Variants in RBFOX1 observed in about 807,000 individuals in gnomAD.
The protein encoded by RBFOX1 is RNA binding protein fox-1 homolog 1.
A neutral mutation model predicts 57.7 loss-of-function variants in RBFOX1; 8 were observed. The observed-to-expected ratio is 0.14, with a 90% confidence interval of 0.08 to 0.25. The LOEUF (loss-of-function observed/expected upper bound fraction) is 0.25, where lower values mean the gene tolerates loss of function less well. RBFOX1 is among the 10% of genes least tolerant of loss of function. The probability of loss-of-function intolerance (pLI) is 1.00; values close to 1 mark genes in which losing one functional copy is unlikely to be tolerated. For synonymous variants in RBFOX1, 326 were observed against 222.4 expected, an observed-to-expected ratio of 1.47 and a Z score of -4.15; for missense variants, 611 against 548.5, an observed-to-expected ratio of 1.11 and a Z score of -1.14.
intron 1 of RBFOX1, among the ~76,000 whole-genome samples, chr16:6,154,339 CAAGGTTATGAAT>C (rs1224073515): frequency 6.6e-6 from 1 of 152,140 alleles, no homozygotes; most frequent in Non-Finnish European, 1.5e-5. Flanking sequence ...ATGGTATAAG[CAAGGTTATGAAT>C]AAGTATTTTC....
At chr16:7,300,965 AT>A (rs1052673112) in intron 4 of RBFOX1, among the ~76,000 whole-genome samples, 7 of 151,668 alleles carry the variant, frequency 4.6e-5, no homozygotes, top group South Asian at 4.2e-4. Context: ...AATGTCTAGA[AT>A]TTTTTTTTGT....
chr16:5,274,637 T>A (rs1218353464), intron 1 of RBFOX1, among the ~76,000 whole-genome samples: 1 of 152,230 alleles, frequency 6.6e-6, no homozygotes, highest in South Asian at 2.1e-4. Flanking sequence ...GTTGGCTTTA[T>A]TGGCAAGACT....
intron 4 of RBFOX1, among the ~76,000 whole-genome samples, chr16:7,427,768 C>G (rs907582020): frequency 2.0e-5 from 3 of 152,070 alleles, no homozygotes; most frequent in East Asian, 1.9e-4. Context: ...ATTCTTGTGC[C>G]TCAGCCTCCC....
chr16:5,519,906 A>T (rs1001978341), intron 2 of RBFOX1, among the ~76,000 whole-genome samples: 2 of 152,194 alleles, frequency 1.3e-5, no homozygotes, highest in African/African-American at 4.8e-5. Context: ...CCCATACTTG[A>T]AGCCATTTAC....
rs540958717 is a variant in RBFOX1 at position 6,070,509 on chromosome 16, C to G, written c.-127+50517C>G. On this transcript the variant is annotated intron_variant, in intron 1 of 15. Coordinates refer to ENST00000550418, the MANE Select transcript of RBFOX1 (RefSeq NM_018723.4). ...CTCAAATATCCCATTTCAATGAAGT[C>G]TGACAAGAAGTCACTCTTGTTTTTA... is the stretch of plus-strand genomic sequence containing the variant. Among the ~76,000 whole-genome samples the G allele has an allele frequency of 3.1e-4, 47 of 152,284 alleles. No individual in the cohort carries two copies. In the South Asian group the frequency reaches 9.1e-3, roughly 30 times the overall value.
chr16:5,763,173 C>G (rs536084998), intron 3 of RBFOX1, among the ~76,000 whole-genome samples: 7 of 152,312 alleles, frequency 4.6e-5, no homozygotes, highest in East Asian at 1.9e-4. Flanking sequence ...AGAAGTCCAT[C>G]GTGATTTGGG....
At chr16:7,250,928 A>G (rs1252627516) in intron 4 of RBFOX1, among the ~76,000 whole-genome samples, 1 of 152,218 alleles carries the variant, frequency 6.6e-6, no homozygotes, top group Non-Finnish European at 1.5e-5. Flanking sequence ...CATGTACAAC[A>G]TGACGTTTTG....
chr16:5,706,758 C>T (rs763409744), intron 3 of RBFOX1, among the ~76,000 whole-genome samples: 6 of 152,034 alleles, frequency 3.9e-5, no homozygotes, highest in African/African-American at 7.2e-5. Context: ...GATTTGTCTC[C>T]GGGGGCACCC....
chr16:5,454,956 TTCCTTTCTTTCTTTC>T (rs2068573684), intron 1 of RBFOX1, among the ~76,000 whole-genome samples: 2 of 62,658 alleles, frequency 3.2e-5, no homozygotes, highest in African/African-American at 1.2e-4. Flanking sequence ...CCTTCCTTCC[TTCCTTTCTTTCTTTC>T]TTTCTTTCTT....
At chr16:7,317,485 C>T (rs754534133) in intron 4 of RBFOX1, among the ~76,000 whole-genome samples, 12 of 152,176 alleles carry the variant, frequency 7.9e-5, no homozygotes, top group East Asian at 3.9e-4. Context: ...CTATCACCAT[C>T]GCCATTAGGA....
At chr16:6,501,480 T>C (rs1170191290) in intron 2 of RBFOX1, among the ~76,000 whole-genome samples, 1 of 152,022 alleles carries the variant, frequency 6.6e-6, no homozygotes, top group Non-Finnish European at 1.5e-5. Flanking sequence ...TCACCATTTT[T>C]ATGGCTGCAT....
chr16:6,603,772 A>G (rs1174412179), intron 2 of RBFOX1, among the ~76,000 whole-genome samples: 6 of 152,146 alleles, frequency 3.9e-5, no homozygotes, highest in Non-Finnish European at 7.3e-5. Flanking sequence ...TAGGGTTAAC[A>G]TCTGAATCAT....
chr16:5,644,255 G>T (rs772901074), intron 3 of RBFOX1, among the ~76,000 whole-genome samples: 4 of 152,130 alleles, frequency 2.6e-5, no homozygotes, highest in Non-Finnish European at 4.4e-5. Context: ...ATAGGTTAAG[G>T]CTGTATATGA....
chr16:5,589,030 C>T (rs1298501292), intron 2 of RBFOX1, among the ~76,000 whole-genome samples: 1 of 152,182 alleles, frequency 6.6e-6, no homozygotes, highest in Non-Finnish European at 1.5e-5. Flanking sequence ...AGCTGAAAAA[C>T]TGCATAGAGA....
chr16:7,074,132 G>A (rs111551619), intron 4 of RBFOX1, among the ~76,000 whole-genome samples: 8 of 152,222 alleles, frequency 5.3e-5, no homozygotes, highest in African/African-American at 1.9e-4. Context: ...GAAATGTTTT[G>A]TCCACTGATT....
intron 3 of RBFOX1, among the ~76,000 whole-genome samples, chr16:6,838,398 T>A (rs1348892124): frequency 6.6e-6 from 1 of 152,228 alleles, no homozygotes; most frequent in Non-Finnish European, 1.5e-5. Flanking sequence ...CTGGTGCATA[T>A]GTGCCACATT....
chr16:6,767,748 T>G (rs1567164134), intron 3 of RBFOX1, among the ~76,000 whole-genome samples: 1 of 151,578 alleles, frequency 6.6e-6, no homozygotes, highest in African/African-American at 2.4e-5. Flanking sequence ...ACCCCATCTC[T>G]ACTAAAAATA....
intron 4 of RBFOX1, among the ~76,000 whole-genome samples, chr16:7,433,742 C>A (rs2098700596): frequency 6.6e-6 from 1 of 152,188 alleles, no homozygotes; most frequent in African/African-American, 2.4e-5. Flanking sequence ...ACCCAACCAC[C>A]CATCCATCTA....
chr16:5,551,139 A>G (rs1039412192), intron 2 of RBFOX1, among the ~76,000 whole-genome samples: 1 of 152,016 alleles, frequency 6.6e-6, no homozygotes, highest in Non-Finnish European at 1.5e-5. Context: ...TAACCTCTTG[A>G]GAGTTGAGGT....
Sources: allele counts gnomAD v4.1 joint callset (sites outside exome capture counted in the v4.1 genomes callset), GRCh38; gene constraint gnomAD v4.1.1; transcripts MANE v1.5; gene names NCBI Gene and HGNC (gene_info 2026-07-23, HGNC 2026-07-21).